KCNB2: variants seen among roughly 807,000 people sequenced by gnomAD.
KCNB2 encodes delayed rectifier potassium channel protein.
A neutral mutation model predicts 61.5 loss-of-function variants in KCNB2; 15 were observed. That is an observed-to-expected ratio of 0.24 (90% confidence interval 0.16 to 0.38). The LOEUF is 0.38. KCNB2 is among the 10% of genes least tolerant of loss of function. The probability of loss-of-function intolerance (pLI) is 1.00; values close to 1 mark genes in which losing one functional copy is unlikely to be tolerated. For synonymous variants in KCNB2, 457 were observed against 446.0 expected (o/e 1.02, Z -0.31); for missense variants, 828 against 1,125.2 (o/e 0.74, Z 3.78).
chr8:72,671,043 C>T (rs985509339), intron 2 of KCNB2, among the ~76,000 whole-genome samples: 14 of 152,078 alleles, frequency 9.2e-5, no homozygotes, highest in African/African-American at 1.4e-4. Context: ...AATAAAGTTA[C>T]GGAATTTCAG....
In KCNB2 at chr8:72,614,553, A is replaced by T. The variant is rs749245755; in HGVS notation, c.579+46240A>T. On this transcript the variant is annotated intron_variant, in intron 2 of 2. Coordinates refer to ENST00000523207, the MANE Select transcript of KCNB2 (RefSeq NM_004770.3). Reference sequence around the variant, plus strand: ...TGGGGGATTGAGCGCAGCAGCATAGATGCCAGTCTCTGACTGTTGTTGTTA... The same window carrying T: ...TGGGGGATTGAGCGCAGCAGCATAGTTGCCAGTCTCTGACTGTTGTTGTTA... 1.1e-4 allele frequency among the ~76,000 whole-genome samples: 17 copies of T among 152,220 alleles called. No homozygotes were observed. In the South Asian group the frequency reaches 1.2e-3, roughly 11 times the overall value.
chr8:72,648,435 G>T (rs149464585), intron 2 of KCNB2, among the ~76,000 whole-genome samples: 2,860 of 152,142 alleles, frequency 0.019, 48 homozygotes, highest in South Asian at 0.065. Flanking sequence ...CCCATGCCAA[G>T]CTAATTTTTT....
chr8:72,931,383 T>G (rs2129009057), intron 2 of KCNB2, among the ~76,000 whole-genome samples: 1 of 152,332 alleles, frequency 6.6e-6, no homozygotes, highest in East Asian at 1.9e-4. Context: ...ATAAATTACC[T>G]TGGGCAGTAT....
In KCNB2 at chr8:72,916,670, C is replaced by T. The variant is rs73689746; in HGVS notation, c.580-19265C>T. Among the ~76,000 whole-genome samples, 570 of 152,286 alleles carry T rather than the reference C, an allele frequency of 3.7e-3. 2 individuals carry two copies. The highest frequency in any genetic ancestry group is 0.013 in the African/African-American group (535 of 41,556). ...CTGGCATCCAGGAGGAATGAGGTCA[C>T]ATGAATGAATTGAATGAAGATGGTA... On this transcript the variant is annotated intron_variant, in intron 2 of 2. Transcript: ENST00000523207.
At chr8:72,664,628 A>G (rs981107672) in intron 2 of KCNB2, among the ~76,000 whole-genome samples, 3 of 152,248 alleles carry the variant, frequency 2.0e-5, no homozygotes, top group African/African-American at 7.2e-5. Context: ...TCATTATAAC[A>G]TTAACACACA....
chr8:72,687,944 G>T (rs1806878248), intron 2 of KCNB2, among the ~76,000 whole-genome samples: 1 of 152,146 alleles, frequency 6.6e-6, no homozygotes, highest in South Asian at 2.1e-4. Context: ...GAGAAGTTTG[G>T]GCTATGGAGC....
At chr8:72,814,299 G>A (rs965850564) in intron 2 of KCNB2, among the ~76,000 whole-genome samples, 9 of 152,168 alleles carry the variant, frequency 5.9e-5, no homozygotes, top group South Asian at 2.1e-4. Context: ...ATCTTGTACC[G>A]CTTATAAGCA....
intron 2 of KCNB2, among the ~76,000 whole-genome samples, chr8:72,584,704 T>C (rs1324805173): frequency 6.6e-6 from 1 of 152,156 alleles, no homozygotes; most frequent in African/African-American, 2.4e-5. Flanking sequence ...AGTAAACAGG[T>C]AAAATATTAT....
At chr8:72,551,141 A>C (rs1231736228) in intron 1 of KCNB2, among the ~76,000 whole-genome samples, 1 of 152,144 alleles carries the variant, frequency 6.6e-6, no homozygotes, top group Non-Finnish European at 1.5e-5. Flanking sequence ...CCCCACCTTC[A>C]TGATGTTCCA....
intron 2 of KCNB2, among the ~76,000 whole-genome samples, chr8:72,807,062 G>A (rs12546493): frequency 0.14 from 20,934 of 152,156 alleles, 1,801 homozygotes; most frequent in South Asian, 0.3. Flanking sequence ...AGGAGGAGAG[G>A]TTTCCTAGAG....
chr8:72,846,666 A>C (rs1809999863), intron 2 of KCNB2, among the ~76,000 whole-genome samples: 1 of 152,242 alleles, frequency 6.6e-6, no homozygotes, highest in Non-Finnish European at 1.5e-5. Flanking sequence ...AATGCTTATC[A>C]TCACTGGCCA....
intron 2 of KCNB2, among the ~76,000 whole-genome samples, chr8:72,698,845 C>A (rs1476521096): frequency 1.3e-5 from 2 of 152,018 alleles, no homozygotes; most frequent in Non-Finnish European, 2.9e-5. Context: ...CCACCTTTCA[C>A]CAGATAAAAA....
At chr8:72,722,165 G>T (rs1264031102) in intron 2 of KCNB2, among the ~76,000 whole-genome samples, 1 of 152,088 alleles carries the variant, frequency 6.6e-6, no homozygotes, top group African/African-American at 2.4e-5. Context: ...CATCATCTGT[G>T]CAGGCTATCC....
chr8:72,826,080 C>G (rs1053940118), intron 2 of KCNB2, among the ~76,000 whole-genome samples: 2 of 152,162 alleles, frequency 1.3e-5, no homozygotes, highest in African/African-American at 4.8e-5. Context: ...AATGGTATAA[C>G]GTATCTGACA....
intron 2 of KCNB2, among the ~76,000 whole-genome samples, chr8:72,873,506 G>A (rs1805650329): frequency 6.6e-6 from 1 of 152,190 alleles, no homozygotes; most frequent in South Asian, 2.1e-4. Flanking sequence ...CACTGGGGTG[G>A]GATTTGGTGA....
At chr8:72,887,684 AG>A (rs1805828774) in intron 2 of KCNB2, among the ~76,000 whole-genome samples, 1 of 152,188 alleles carries the variant, frequency 6.6e-6, no homozygotes, top group Non-Finnish European at 1.5e-5. Flanking sequence ...TACTTTCCTA[AG>A]TGCTTTATTT....
At chr8:72,872,483 G>A in intron 2 of KCNB2, among the ~76,000 whole-genome samples, 1 of 152,136 alleles carries the variant, frequency 6.6e-6, no homozygotes, top group East Asian at 1.9e-4. Context: ...CTGGATAGTT[G>A]TTTGGTTGTT....
chr8:72,637,147 C>A (rs75530888), intron 2 of KCNB2, among the ~76,000 whole-genome samples: 4,052 of 152,196 alleles, frequency 0.027, 168 homozygotes, highest in African/African-American at 0.09. Flanking sequence ...CACAGTCTTA[C>A]GCCTCTGACT....
At position 72,714,222 on chromosome 8, in the gene KCNB2, T is replaced by A. The variant is rs149556234; in HGVS notation, c.579+145909T>A. On this transcript the variant is annotated intron_variant, in intron 2 of 2. Transcript: ENST00000523207. ...AAGTGATGGGGAGAATGAAACCAAC[T>A]TGGAAAACACTCTGCAGGATATTAT... 3.6e-4 allele frequency among the ~76,000 whole-genome samples: 55 copies of A among 152,302 alleles called. 1 individual carries two copies. Among genetic ancestry groups the A allele is most frequent in the African/African-American group, 1.3e-3 (55 of 41,550 alleles).
Sources: gnomAD v4.1 joint callset for allele counts (sites outside exome capture counted in the v4.1 genomes callset) on GRCh38, gnomAD v4.1.1 for gene constraint, MANE v1.5 for transcripts, NCBI Gene and HGNC (gene_info 2026-07-23, HGNC 2026-07-21) for gene names.